LUZP2: variants seen among roughly 807,000 people sequenced by gnomAD.
LUZP2 encodes the protein leucine zipper protein 2.
Under a neutral mutation model 51.6 loss-of-function variants are expected in LUZP2, and 52 were observed. The ratio of observed to expected loss-of-function variants is 1.01; its 90% CI spans 0.81 to 1.27. LUZP2 has a LOEUF of 1.27. LUZP2 is among the 50% of genes most tolerant of loss of function. The pLI is 0.00. For missense variants in LUZP2, 436 were observed against 395.4 expected (o/e 1.10, Z -0.87); for synonymous variants, 154 against 137.3 (o/e 1.12, Z -0.85).
chr11:24,707,105 A>T (rs965886167), intron 1 of LUZP2, among the ~76,000 whole-genome samples: 7 of 152,146 alleles, frequency 4.6e-5, no homozygotes, highest in African/African-American at 1.7e-4. Flanking sequence ...ATTTTACTAA[A>T]GTATGTACAA....
chr11:25,023,262 T>C (rs911051686), intron 9 of LUZP2, among the ~76,000 whole-genome samples: 2 of 152,212 alleles, frequency 1.3e-5, no homozygotes, highest in South Asian at 4.1e-4. Flanking sequence ...AATTCGGCTG[T>C]GAATCCATCT....
intron 9 of LUZP2, among the ~76,000 whole-genome samples, chr11:25,032,790 T>G (rs1231045140): frequency 6.6e-6 from 1 of 152,202 alleles, no homozygotes; most frequent in Non-Finnish European, 1.5e-5. Flanking sequence ...CATAGTTTGT[T>G]GCAAGGGGGC....
chr11:24,627,592 A>T (rs74704323), intron 1 of LUZP2, among the ~76,000 whole-genome samples: 1 of 152,252 alleles, frequency 6.6e-6, no homozygotes, highest in Non-Finnish European at 1.5e-5. Context: ...GAGGCAGAAC[A>T]TGAAATCCAG....
chr11:24,938,417 G>T (rs768743124), intron 7 of LUZP2, among the ~76,000 whole-genome samples: 1 of 152,074 alleles, frequency 6.6e-6, no homozygotes, highest in Non-Finnish European at 1.5e-5. Context: ...ATAATAGTCA[G>T]AAATTCTTTA....
intron 1 of LUZP2, among the ~76,000 whole-genome samples, chr11:24,655,063 A>T (rs1304677139): frequency 6.6e-6 from 1 of 152,162 alleles, no homozygotes; most frequent in Non-Finnish European, 1.5e-5. Context: ...CAGAAAAAAT[A>T]AGGTTTATGA....
At chr11:24,625,436 A>G (rs545367834) in intron 1 of LUZP2, among the ~76,000 whole-genome samples, 122 of 152,122 alleles carry the variant, frequency 8.0e-4, no homozygotes, top group African/African-American at 2.8e-3. Flanking sequence ...CTAACTATAT[A>G]AGGTGAAAAA....
At chr11:24,564,594 G>C (rs1852156310) in intron 1 of LUZP2, among the ~76,000 whole-genome samples, 1 of 152,050 alleles carries the variant, frequency 6.6e-6, no homozygotes, top group South Asian at 2.1e-4. Flanking sequence ...TATGCCCCAA[G>C]CCAGAAACCC....
At chr11:25,042,425 CT>C (rs1471090477) in intron 9 of LUZP2, among the ~76,000 whole-genome samples, 2 of 151,988 alleles carry the variant, frequency 1.3e-5, no homozygotes, top group Non-Finnish European at 1.5e-5. Context: ...CTAAGAGAAA[CT>C]TTGGATACTT....
At chr11:24,652,486 G>C (rs541339474) in intron 1 of LUZP2, among the ~76,000 whole-genome samples, 2 of 151,998 alleles carry the variant, frequency 1.3e-5, no homozygotes, top group South Asian at 4.1e-4. Flanking sequence ...TTCATTTGCA[G>C]GAAAACAGTG....
intron 1 of LUZP2, among the ~76,000 whole-genome samples, chr11:24,598,786 C>A (rs1054342945): frequency 6.6e-6 from 1 of 152,138 alleles, no homozygotes; most frequent in African/African-American, 2.4e-5. Context: ...GGAAAGGCTG[C>A]AGCTGTTGAC....
At chr11:24,918,649 T>A (rs943414645) in intron 7 of LUZP2, among the ~76,000 whole-genome samples, 4 of 151,102 alleles carry the variant, frequency 2.6e-5, no homozygotes, top group Non-Finnish European at 5.9e-5. Flanking sequence ...AAAAAAAAAA[T>A]CCTAAATATT....
Position 24,966,931 on chromosome 11 carries a change from C to T in LUZP2, c.523-9660C>T, listed in dbSNP as rs571060354. Among the ~76,000 whole-genome samples, 4 of 148,210 alleles carry T rather than the reference C, an allele frequency of 2.7e-5. No individual in the cohort carries two copies. In the South Asian group the frequency reaches 8.4e-4, roughly 31 times the overall value. On this transcript the variant is annotated intron_variant, in intron 7 of 11. Coordinates refer to ENST00000336930, the MANE Select transcript of LUZP2 (RefSeq NM_001009909.4). ...TATATATAATATATGATAAAATCTC[C>T]AATTGCTTTCTCACTATTTATTAAA...
chr11:25,011,574 CT>C (rs1001548124), intron 9 of LUZP2, among the ~76,000 whole-genome samples: 9 of 152,052 alleles, frequency 5.9e-5, no homozygotes, highest in Admixed American at 2.0e-4. Context: ...GTAAAATATT[CT>C]AATTTTTATA....
chr11:24,883,573 G>A (rs1429704305), intron 5 of LUZP2, among the ~76,000 whole-genome samples: 1 of 151,914 alleles, frequency 6.6e-6, no homozygotes, highest in Admixed American at 6.6e-5. Flanking sequence ...ATTTTCGTTA[G>A]CAATAATTTA....
chr11:24,824,193 A>T (rs1484674885), intron 5 of LUZP2, among the ~76,000 whole-genome samples: 1 of 150,462 alleles, frequency 6.6e-6, no homozygotes, highest in Non-Finnish European at 1.5e-5. Flanking sequence ...GAGAAATCTC[A>T]TCTCTACTAA....
intron 1 of LUZP2, among the ~76,000 whole-genome samples, chr11:24,577,880 A>T (rs149067662): frequency 2.0e-5 from 3 of 152,266 alleles, no homozygotes; most frequent in Non-Finnish European, 2.9e-5. Context: ...AAACTTAAAA[A>T]TTGATGGCTT....
At chr11:24,840,573 G>T (rs1432234606) in intron 5 of LUZP2, among the ~76,000 whole-genome samples, 1 of 151,840 alleles carries the variant, frequency 6.6e-6, no homozygotes, top group Admixed American at 6.6e-5. Context: ...TGTATACTCA[G>T]CCCTCTGCCC....
chr11:24,509,817 C>G (rs11027959), intron 1 of LUZP2, among the ~76,000 whole-genome samples: 5,431 of 152,026 alleles, frequency 0.036, 233 homozygotes, highest in African/African-American at 0.099. Flanking sequence ...AGTGTTTCCT[C>G]TATGTCTACC....
intron 7 of LUZP2, among the ~76,000 whole-genome samples, chr11:24,918,954 A>C (rs1353000052): frequency 1.5e-5 from 2 of 134,940 alleles, no homozygotes; most frequent in South Asian, 2.3e-4. Flanking sequence ...ATATATCCAT[A>C]ATATGTATTA....
Sources: allele counts gnomAD v4.1 joint callset (sites outside exome capture counted in the v4.1 genomes callset), GRCh38; gene constraint gnomAD v4.1.1; transcripts MANE v1.5; gene names NCBI Gene and HGNC (gene_info 2026-07-23, HGNC 2026-07-21).